ZHX3: variants seen among roughly 807,000 people sequenced by gnomAD.
ZHX3 encodes the protein zinc fingers and homeoboxes 3, also known as zinc fingers and homeoboxes protein 3.
ZHX3 carries 20 observed loss-of-function variants against 64.5 expected under a neutral mutation model. That is an observed-to-expected ratio of 0.31 (90% confidence interval 0.22 to 0.45). The LOEUF (loss-of-function observed/expected upper bound fraction) is 0.45. ZHX3 is among the 20% of genes least tolerant of loss of function. The probability of loss-of-function intolerance (pLI) is 1.00; values close to 1 mark genes in which losing one functional copy is unlikely to be tolerated. For synonymous variants in ZHX3, 423 were observed against 461.6 expected (o/e 0.92, Z 1.07); for missense variants, 1,041 against 1,195.8 (o/e 0.87, Z 1.91).
intron 2 of ZHX3, among the ~76,000 whole-genome samples, chr20:41,237,686 C>G (rs559179632): frequency 2.5e-4 from 38 of 152,234 alleles, no homozygotes; most frequent in Admixed American, 2.3e-3. Context: ...ATGGGTGCAG[C>G]ACACCAACAT....
Position 41,261,235 on chromosome 20 carries a change from TAG to T in ZHX3, c.-151+7753_-151+7754del, listed in dbSNP as rs550837437. Among the ~76,000 whole-genome samples the T allele has an allele frequency of 1.3e-4, 20 of 152,234 alleles. No homozygotes were observed. In the South Asian group the frequency reaches 2.3e-3, roughly 17 times the overall value. On this transcript the variant is annotated intron_variant, in intron 2 of 3. Coordinates refer to ENST00000683867, the MANE Select transcript of ZHX3 (RefSeq NM_001384317.1). The stretch of plus-strand genomic sequence containing the variant: ...ATAGATTACATGAAGGGGAATCTAG[TAG>T]AGTTATTTTTTATTTTTTTAAATAA...
Position 41,238,940 on chromosome 20 carries a change from T to C in ZHX3, c.-151+30050A>G, listed in dbSNP as rs1375983679. 5 of 151,840 alleles carry C rather than the reference T, an allele frequency of 3.3e-5. No individual in the cohort carries two copies. In the East Asian group the frequency reaches 9.7e-4, roughly 29 times the overall value. 9.4% of individuals were successfully genotyped at this position (151,840 alleles called of 1,614,324 possible). On this transcript the variant is annotated intron_variant, in intron 2 of 3. Transcript: ENST00000683867. Reference sequence around the variant, plus strand: ...AAATGGAAAGTTCAGCGGCTTCAGGTTGAGTTTGAGTCAGTTGCTCTATGA... The same window carrying C: ...AAATGGAAAGTTCAGCGGCTTCAGGCTGAGTTTGAGTCAGTTGCTCTATGA...
chr20:41,221,925 G>T (rs951141404), intron 2 of ZHX3, among the ~76,000 whole-genome samples: 29 of 152,238 alleles, frequency 1.9e-4, no homozygotes, highest in Non-Finnish European at 3.5e-4. Flanking sequence ...CAAAGAGGCT[G>T]TGGTAGGGGG....
intron 1 of ZHX3, among the ~76,000 whole-genome samples, chr20:41,298,084 T>A (rs1238528443): frequency 4.6e-5 from 7 of 152,212 alleles, no homozygotes; most frequent in Admixed American, 3.3e-4. Context: ...TCTTTTTTTT[T>A]TTATTTATAT....
rs1014597152 is a variant in ZHX3 at position 41,232,376 on chromosome 20, G to A, written c.-150-27310C>T. Among the ~76,000 whole-genome samples the A allele has an allele frequency of 3.2e-4, 49 of 152,252 alleles. No individual in the cohort carries two copies. Among genetic ancestry groups the A allele is most frequent in the African/African-American group, 1.1e-3 (46 of 41,542 alleles). ...GCAAAGCAGACCTGGGGAGTGTGTG[G>A]TGTAGCCATGTCTGAACTCATCTGT... On this transcript the variant is annotated intron_variant, in intron 2 of 3. Coordinates refer to ENST00000683867, the MANE Select transcript of ZHX3 (RefSeq NM_001384317.1). This position sits in a 1 kb window ranked among gnomAD's most constrained non-coding sequence, Gnocchi z 5.0.
At chr20:41,213,634 C>T (rs2039319354) in intron 2 of ZHX3, 1 of 152,640 alleles carries the variant, frequency 6.6e-6, no homozygotes, top group East Asian at 1.9e-4. Context: ...CCTAGCAACA[C>T]AACACAAGCA....
chr20:41,282,044 G>C (rs749677380), intron 1 of ZHX3, among the ~76,000 whole-genome samples: 10 of 152,180 alleles, frequency 6.6e-5, no homozygotes, highest in Non-Finnish European at 1.5e-4. Flanking sequence ...ATGAGGGACA[G>C]AGTTGTTAGG....
At chr20:41,259,561 A>T (rs2042450131) in intron 2 of ZHX3, among the ~76,000 whole-genome samples, 1 of 152,226 alleles carries the variant, frequency 6.6e-6, no homozygotes, top group Admixed American at 6.5e-5. Flanking sequence ...GTGAATGGAC[A>T]TAGAAAGACT....
At chr20:41,302,028 T>G (rs1254949220) in intron 1 of ZHX3, among the ~76,000 whole-genome samples, 1 of 119,026 alleles carries the variant, frequency 8.4e-6, no homozygotes, top group African/African-American at 3.3e-5. Flanking sequence ...CACTCCAGCC[T>G]GGGCGACGGA....
Position 41,201,237 on chromosome 20 carries a change from AC to A in ZHX3, c.2860+819del. The stretch of plus-strand genomic sequence containing the variant: ...CAGCTAGCAATGCTGCCATTTTGGA[AC>A]CCCCAATCCCTTCAGCTTCTACAAT... On this transcript the variant is annotated intron_variant, in intron 3 of 3. Coordinates refer to ENST00000683867, the MANE Select transcript of ZHX3 (RefSeq NM_001384317.1). This position sits in a 1 kb window ranked among gnomAD's most constrained non-coding sequence, Gnocchi z 5.0. 1 of 1,220,534 alleles carries A rather than the reference AC, an allele frequency of 8.2e-7. No homozygotes were observed. The highest frequency in any genetic ancestry group is 1.6e-5 in the African/African-American group (1 of 62,838). The allele number at this position is 1,220,534 out of a possible 1,614,324, so 75.6% of individuals were successfully genotyped here. A position where few individuals can be genotyped will look rare whatever the true frequency, so the allele number is the denominator to read the frequency against.
chr20:41,297,310 C>T (rs1041443139), intron 1 of ZHX3, among the ~76,000 whole-genome samples: 5 of 152,214 alleles, frequency 3.3e-5, no homozygotes, highest in Non-Finnish European at 7.3e-5. Context: ...GAGCCATTCT[C>T]CTCAGACCCC....
chr20:41,192,863 G>C (rs2037154963), intron 3 of ZHX3, among the ~76,000 whole-genome samples: 1 of 152,160 alleles, frequency 6.6e-6, no homozygotes, highest in Non-Finnish European at 1.5e-5. Context: ...AAGTTTCAGG[G>C]ACTGCAAGGG....
At chr20:41,229,238 G>A (rs898241056) in intron 2 of ZHX3, among the ~76,000 whole-genome samples, 1 of 152,062 alleles carries the variant, frequency 6.6e-6, no homozygotes, top group Non-Finnish European at 1.5e-5. Flanking sequence ...TTATATGTCA[G>A]GATTTACTTC....
At chr20:41,250,768 G>A (rs969091116) in intron 2 of ZHX3, among the ~76,000 whole-genome samples, 1 of 152,122 alleles carries the variant, frequency 6.6e-6, no homozygotes, top group African/African-American at 2.4e-5. Flanking sequence ...GTAAATTAAA[G>A]ACAAAGAATA....
chr20:41,209,682 A>G (rs893479496), intron 2 of ZHX3, among the ~76,000 whole-genome samples: 1 of 152,246 alleles, frequency 6.6e-6, no homozygotes, highest in Non-Finnish European at 1.5e-5. Flanking sequence ...TACACCTTAT[A>G]CAAAAATTAA....
At chr20:41,267,917 T>G (rs2042942237) in intron 2 of ZHX3, among the ~76,000 whole-genome samples, 1 of 152,208 alleles carries the variant, frequency 6.6e-6, no homozygotes, top group Admixed American at 6.5e-5. Flanking sequence ...TCTTATGACA[T>G]TTTTGGTTTA....
At chr20:41,270,284 G>A (rs907559720) in intron 1 of ZHX3, among the ~76,000 whole-genome samples, 1 of 149,568 alleles carries the variant, frequency 6.7e-6, no homozygotes, top group East Asian at 2.0e-4. Context: ...GGGGGCTGAG[G>A]CAGAAGACTT....
chr20:41,203,728 C>T lies in ZHX3; in HGVS notation c.1189G>A (p.Ala397Thr), dbSNP rs960512306. ...TITVLNTPLV[A>T]SAGNVQHLIQ... ...AGATGCTGGACATTGCCAGCACTGGCGACGAGTGGGGTATTTAGAACCGTA... is the reference window on the plus strand; with the variant it reads ...AGATGCTGGACATTGCCAGCACTGGTGACGAGTGGGGTATTTAGAACCGTA... Residue 397 changes from alanine to threonine, a missense_variant, in exon 3 of 4, where the codon GCC becomes ACC. Coordinates refer to ENST00000683867, the MANE Select transcript of ZHX3 (RefSeq NM_001384317.1). The surrounding 1 kb of genome is among the most constrained non-coding windows in gnomAD (Gnocchi z 7.1). The T allele has an allele frequency of 2.5e-5, 41 of 1,614,030 alleles. No individual in the cohort carries two copies. The highest frequency in any genetic ancestry group is 2.7e-5 in the Non-Finnish European group (32 of 1,180,038).
intron 2 of ZHX3, among the ~76,000 whole-genome samples, chr20:41,221,284 A>G (rs1398253954): frequency 6.6e-6 from 1 of 152,156 alleles, no homozygotes; most frequent in Non-Finnish European, 1.5e-5. Context: ...TTTTACCCAA[A>G]CGATGCCACA....
Sources: gnomAD v4.1 joint callset for allele counts (sites outside exome capture counted in the v4.1 genomes callset) on GRCh38, gnomAD v4.1.1 for gene constraint, Gnocchi (gnomAD v3.1) non-coding constraint, MANE v1.5 for transcripts, NCBI Gene and HGNC (gene_info 2026-07-23, HGNC 2026-07-21) for gene names.